The following LYPD6B variants were observed in gnomAD, a reference collection of about 807,000 sequenced individuals.
LYPD6B encodes the protein LY6/PLAUR domain containing 6B, also known as ly6/PLAUR domain-containing protein 6B.
Under a neutral mutation model 22.8 loss-of-function variants are expected in LYPD6B, and 17 were observed. The ratio of observed to expected loss-of-function variants is 0.75; its 90% CI spans 0.51 to 1.12. The LOEUF (loss-of-function observed/expected upper bound fraction) is 1.12. Among genes scored for constraint, LYPD6B ranks in the 50% most tolerant of loss-of-function variants. The pLI is 0.00. For synonymous variants in LYPD6B, 106 were observed against 91.6 expected, an observed-to-expected ratio of 1.16 and a Z score of -0.90; for missense variants, 221 against 258.3, an observed-to-expected ratio of 0.86 and a Z score of 0.99.
At chr2:149,083,892 C>T (rs775033100) in intron 1 of LYPD6B, among the ~76,000 whole-genome samples, 5 of 151,724 alleles carry the variant, frequency 3.3e-5, no homozygotes, top group Admixed American at 6.6e-5. Context: ...CTGGCTAACA[C>T]GGTGAAACCC....
chr2:149,189,339 A>AAATTATATATATAT (rs1293591872), intron 3 of LYPD6B, among the ~76,000 whole-genome samples: 3 of 31,628 alleles, frequency 9.5e-5, no homozygotes, highest in African/African-American at 1.3e-4. Context: ...GATTTGTCCA[A>AAATTATATATATAT]AATTATATAT....
At chr2:149,186,355 A>G (rs1692102763) in intron 3 of LYPD6B, among the ~76,000 whole-genome samples, 2 of 152,216 alleles carry the variant, frequency 1.3e-5, no homozygotes, top group Admixed American at 1.3e-4. Context: ...CCCTTAAACC[A>G]AAGCCTAATC....
chr2:149,188,228 A>G (rs1692251772), intron 3 of LYPD6B, among the ~76,000 whole-genome samples: 1 of 152,160 alleles, frequency 6.6e-6, no homozygotes, highest in Non-Finnish European at 1.5e-5. Context: ...TTACTTCTAG[A>G]TCATGAATTT....
chr2:149,203,085 G>C (rs747491873), intron 3 of LYPD6B, among the ~76,000 whole-genome samples: 1 of 152,150 alleles, frequency 6.6e-6, no homozygotes, highest in Non-Finnish European at 1.5e-5. Flanking sequence ...CATGCACTCA[G>C]CGCGTGCAAA....
chr2:149,076,225 T>C (rs1388571245), intron 1 of LYPD6B, among the ~76,000 whole-genome samples: 2 of 152,198 alleles, frequency 1.3e-5, no homozygotes, highest in East Asian at 3.8e-4. Context: ...GGTGAGGGCT[T>C]TCTCTCCTGG....
chr2:149,062,790 T>C (rs1684147410), intron 1 of LYPD6B, among the ~76,000 whole-genome samples: 1 of 151,262 alleles, frequency 6.6e-6, no homozygotes, highest in African/African-American at 2.4e-5. Flanking sequence ...TGTGAATTGA[T>C]GGCAAAAATC....
intron 3 of LYPD6B, among the ~76,000 whole-genome samples, chr2:149,173,179 T>G (rs368479352): frequency 1.9e-4 from 1 of 5,402 alleles, no homozygotes; most frequent in East Asian, 0.019. Flanking sequence ...TATTACTGTG[T>G]TTTTTTTTTT....
At chr2:149,154,419 A>G (rs1689566224) in intron 2 of LYPD6B, among the ~76,000 whole-genome samples, 1 of 152,142 alleles carries the variant, frequency 6.6e-6, no homozygotes. Flanking sequence ...CCCTGCCAGC[A>G]TCTTTGACTA....
chr2:149,184,058 G>T (rs1457550817), intron 3 of LYPD6B, among the ~76,000 whole-genome samples: 2 of 152,060 alleles, frequency 1.3e-5, no homozygotes, highest in Admixed American at 1.3e-4. Context: ...CGGGCATGGT[G>T]GCGCATGCCT....
chr2:149,040,203 G>GTC (rs34538721), intron 1 of LYPD6B, among the ~76,000 whole-genome samples: 9 of 143,954 alleles, frequency 6.3e-5, no homozygotes, highest in African/African-American at 2.3e-4. Context: ...GTCTCTCTCT[G>GTC]TCTCTCTCTC....
chr2:149,129,671 C>T (rs748729707), intron 1 of LYPD6B, among the ~76,000 whole-genome samples: 2 of 152,276 alleles, frequency 1.3e-5, no homozygotes, highest in East Asian at 3.9e-4. Flanking sequence ...AGTTATAATG[C>T]TTTTCCTGTG....
rs553922844 is a variant in LYPD6B, at chr2:149,172,339, G to T, written c.77+11504G>T. On this transcript the variant is annotated intron_variant, in intron 3 of 6. Coordinates refer to ENST00000409642, the MANE Select transcript of LYPD6B (RefSeq NM_177964.5). ...ATGGAAACTACAATGAGATTTGGGT[G>T]GGGACACAGCCAAACCATATCACCC... 1.1e-4 allele frequency among the ~76,000 whole-genome samples: 16 copies of T among 152,274 alleles called. No individual in the cohort carries two copies. The East Asian group carries it at 2.9e-3, about 28-fold the overall frequency.
chr2:149,062,950 C>A (rs1218461485), intron 1 of LYPD6B, among the ~76,000 whole-genome samples: 1 of 150,530 alleles, frequency 6.6e-6, no homozygotes, highest in Middle Eastern at 3.2e-3. Flanking sequence ...TGAGTGTCCC[C>A]TGTAAGCAAG....
intron 1 of LYPD6B, among the ~76,000 whole-genome samples, chr2:149,089,173 G>A (rs1211849461): frequency 2.6e-5 from 4 of 152,220 alleles, no homozygotes; most frequent in African/African-American, 9.6e-5. Context: ...AGAGTCATTT[G>A]ACATGTGGTG....
chr2:149,182,786 C>T (rs921719742), intron 3 of LYPD6B, among the ~76,000 whole-genome samples: 2 of 152,164 alleles, frequency 1.3e-5, no homozygotes, highest in African/African-American at 4.8e-5. Context: ...AATTGCCCTT[C>T]AATAGGGTCA....
chr2:149,039,093 T>C lies in LYPD6B; in HGVS notation c.-67+292T>C, dbSNP rs548744311. ...CTGGAGCGGTGTGGGTCTCTAATCG[T>C]CCAGAGCCCTGCGGGGCCAGTGACT... On this transcript the variant is annotated intron_variant, in intron 1 of 6. Coordinates refer to ENST00000409642, the MANE Select transcript of LYPD6B (RefSeq NM_177964.5). Among the ~76,000 whole-genome samples, 7 of 151,276 alleles carry C rather than the reference T, an allele frequency of 4.6e-5. No individual in the cohort carries two copies. The South Asian group carries it at 1.5e-3, about 32-fold the overall frequency.
intron 2 of LYPD6B, among the ~76,000 whole-genome samples, chr2:149,132,455 C>T (rs1375640421): frequency 1.3e-5 from 2 of 151,962 alleles, no homozygotes; most frequent in Admixed American, 6.6e-5. Context: ...GGGTTAGATG[C>T]AGCTCGATTT....
chr2:149,185,208 CA>C (rs544833393), intron 3 of LYPD6B, among the ~76,000 whole-genome samples: 77 of 152,256 alleles, frequency 5.1e-4, no homozygotes, highest in Non-Finnish European at 9.9e-4. Context: ...AGATTTTTTT[CA>C]GTGGACCAAT....
chr2:149,112,805 AC>A (rs1686823300), intron 1 of LYPD6B, among the ~76,000 whole-genome samples: 1 of 152,188 alleles, frequency 6.6e-6, no homozygotes, highest in African/African-American at 2.4e-5. Flanking sequence ...AACTGGGACA[AC>A]TGTTGCTGAA....
Sources: gnomAD v4.1 joint callset for allele counts (sites outside exome capture counted in the v4.1 genomes callset) on GRCh38, gnomAD v4.1.1 for gene constraint, MANE v1.5 for transcripts, NCBI Gene and HGNC (gene_info 2026-07-23, HGNC 2026-07-21) for gene names.